NTRK3: variants seen among roughly 807,000 people sequenced by gnomAD.
NTRK3 encodes the protein neurotrophic receptor tyrosine kinase 3.
A neutral mutation model predicts 91.7 loss-of-function variants in NTRK3; 24 were observed. The observed-to-expected ratio is 0.26, with a 90% CI of 0.19 to 0.37. The LOEUF (loss-of-function observed/expected upper bound fraction) is 0.37, where lower values mean the gene tolerates loss of function less well. NTRK3 is among the 10% of genes least tolerant of loss of function. NTRK3 has a pLI of 1.00. For missense variants in NTRK3, 880 were observed against 1,068.9 expected (o/e 0.82, Z 2.46); for synonymous variants, 483 against 404.0 (o/e 1.20, Z -2.34).
chr15:87,971,152 G>A (rs2073223843), intron 14 of NTRK3, among the ~76,000 whole-genome samples: 1 of 152,184 alleles, frequency 6.6e-6, no homozygotes, highest in Non-Finnish European at 1.5e-5. Context: ...CTCCCAAGAA[G>A]GACATTCTCA....
intron 5 of NTRK3, among the ~76,000 whole-genome samples, chr15:88,152,056 T>C (rs887699515): frequency 6.6e-6 from 1 of 152,168 alleles, no homozygotes; most frequent in Non-Finnish European, 1.5e-5. Flanking sequence ...ATCCCAGCAC[T>C]TTGGGAGGCT....
intron 14 of NTRK3, among the ~76,000 whole-genome samples, chr15:88,029,422 G>A (rs760361875): frequency 6.6e-6 from 1 of 152,170 alleles, no homozygotes; most frequent in African/African-American, 2.4e-5. Context: ...AGCAAGGAGA[G>A]GACCAGCATC....
At chr15:88,194,146 T>C (rs1391771975) in intron 3 of NTRK3, among the ~76,000 whole-genome samples, 2 of 152,266 alleles carry the variant, frequency 1.3e-5, no homozygotes, top group African/African-American at 4.8e-5. Context: ...CTGGCTTCCT[T>C]GACTACACTC....
chr15:87,934,927 T>C (rs1004861887), intron 15 of NTRK3, among the ~76,000 whole-genome samples: 2 of 152,188 alleles, frequency 1.3e-5, no homozygotes, highest in Admixed American at 6.5e-5. Flanking sequence ...TTTTAAAATT[T>C]GGAGGCTTCA....
chr15:88,116,120 T>G (rs1428930858), intron 13 of NTRK3, among the ~76,000 whole-genome samples: 1 of 152,166 alleles, frequency 6.6e-6, no homozygotes, highest in Non-Finnish European at 1.5e-5. Context: ...ACAGTGTTGA[T>G]TGACCTGACA....
chr15:88,056,192 ATATATATATATTTTT>A (rs894827557), intron 13 of NTRK3, among the ~76,000 whole-genome samples: 4 of 99,114 alleles, frequency 4.0e-5, no homozygotes, highest in African/African-American at 1.6e-4. Flanking sequence ...ATATATATAT[ATATATATATATTTTT>A]TTTTTAATGT....
chr15:87,886,675 G>GATATATAT (rs2065553100), intron 17 of NTRK3, among the ~76,000 whole-genome samples: 6 of 31,194 alleles, frequency 1.9e-4, no homozygotes, highest in Non-Finnish European at 4.9e-4. Flanking sequence ...CCCACTTTTT[G>GATATATAT]CTATATATAT....
intron 17 of NTRK3, among the ~76,000 whole-genome samples, chr15:87,923,289 G>C (rs575312735): frequency 1.3e-5 from 2 of 152,126 alleles, no homozygotes; most frequent in Non-Finnish European, 2.9e-5. Context: ...CATATAACTG[G>C]GTTCTTGCCA....
At chr15:88,012,128 A>G (rs893028618) in intron 14 of NTRK3, among the ~76,000 whole-genome samples, 4 of 152,126 alleles carry the variant, frequency 2.6e-5, no homozygotes, top group Non-Finnish European at 5.9e-5. Flanking sequence ...GAGAGCATGC[A>G]TTGTTCTTCA....
intron 3 of NTRK3, among the ~76,000 whole-genome samples, chr15:88,187,593 TCTC>T (rs1567610467): frequency 6.6e-6 from 1 of 152,212 alleles, no homozygotes. Flanking sequence ...ACACGTGGCT[TCTC>T]CTTTTTTGTG....
intron 17 of NTRK3, among the ~76,000 whole-genome samples, chr15:87,893,731 T>C (rs1188049343): frequency 6.6e-6 from 1 of 152,082 alleles, no homozygotes; most frequent in Non-Finnish European, 1.5e-5. Context: ...GTTCAAAACA[T>C]CTATACTCAC....
chr15:88,099,131 C>A (rs561060769), intron 13 of NTRK3: 2 of 231,012 alleles, frequency 8.7e-6, no homozygotes, highest in African/African-American at 4.4e-5. Flanking sequence ...AGAATAGAGG[C>A]TGAAGATCAT....
intron 5 of NTRK3, among the ~76,000 whole-genome samples, chr15:88,180,137 T>C (rs1468354466): frequency 6.6e-6 from 1 of 152,204 alleles, no homozygotes; most frequent in East Asian, 1.9e-4. Flanking sequence ...TATGTGCCTC[T>C]TATCGTTTAA....
At chr15:87,932,894 A>C in intron 16 of NTRK3, 118 bp downstream of exon 16, 3 of 1,036,256 alleles carry the variant, frequency 2.9e-6, no homozygotes, top group Non-Finnish European at 4.4e-6. Context: ...TGTTCATCTA[A>C]TTTCTCATCC....
chr15:88,011,233 A>G (rs887738348), intron 14 of NTRK3, among the ~76,000 whole-genome samples: 1 of 152,040 alleles, frequency 6.6e-6, no homozygotes, highest in African/African-American at 2.4e-5. Context: ...TGTTCCCTCC[A>G]CCAGGTCAGC....
At chr15:87,908,711 C>G (rs1249675206) in intron 17 of NTRK3, 5 of 395,062 alleles carry the variant, frequency 1.3e-5, no homozygotes, top group Non-Finnish European at 1.8e-5. Flanking sequence ...CTGGGCAGGG[C>G]CTCAAACATT....
chr15:88,021,513 A>G (rs1308708821), intron 14 of NTRK3, among the ~76,000 whole-genome samples: 1 of 152,250 alleles, frequency 6.6e-6, no homozygotes, highest in Non-Finnish European at 1.5e-5. Context: ...GATCTCTAGA[A>G]TTAAAGGCTC....
intron 14 of NTRK3, among the ~76,000 whole-genome samples, chr15:87,989,584 T>C (rs1359353479): frequency 2.0e-5 from 3 of 151,916 alleles, no homozygotes; most frequent in Non-Finnish European, 4.4e-5. Flanking sequence ...CACACCAACA[T>C]GGCACATGTA....
intron 14 of NTRK3, chr15:87,978,339 TGGA>T (rs1277943483): frequency 4.3e-6 from 1 of 230,292 alleles, no homozygotes; most frequent in Admixed American, 5.7e-5. Flanking sequence ...TGAGAGGGGC[TGGA>T]GGAGGCCAAG....
Sources: gnomAD v4.1 joint callset for allele counts (sites outside exome capture counted in the v4.1 genomes callset) on GRCh38, gnomAD v4.1.1 for gene constraint, MANE v1.5 for transcripts, NCBI Gene and HGNC (gene_info 2026-07-23, HGNC 2026-07-21) for gene names.